The following ZNF266 variants were observed in gnomAD, a reference collection of about 807,000 sequenced individuals.
ZNF266 encodes zinc finger protein 1.
Under a neutral mutation model 16.4 loss-of-function variants are expected in ZNF266, and 16 were observed. The observed-to-expected ratio is 0.98, with a 90% CI of 0.66 to 1.48. The LOEUF (loss-of-function observed/expected upper bound fraction) is 1.48, where lower values mean the gene tolerates loss of function less well. Ranked by LOEUF, ZNF266 falls within the 40% of genes most tolerant of loss-of-function variation. The pLI is 0.00. For synonymous variants in ZNF266, 262 were observed against 237.9 expected (o/e 1.10, Z -0.93); for missense variants, 738 against 689.1 (o/e 1.07, Z -0.79).
At chr19:9,432,591 T>C (rs1485614408) in intron 5 of ZNF266, among the ~76,000 whole-genome samples, 1 of 152,140 alleles carries the variant, frequency 6.6e-6, no homozygotes, top group Non-Finnish European at 1.5e-5. Flanking sequence ...CTAATTAATA[T>C]AAGCGAGTTA....
intron 8 of ZNF266, 70 bp downstream of exon 8, chr19:9,418,435 A>C (rs2069386605): frequency 1.3e-6 from 2 of 1,518,834 alleles, no homozygotes; most frequent in African/African-American, 2.7e-5. Context: ...GCTATCTCTG[A>C]TGTGCAATAC....
In ZNF266 at chr19:9,412,567, G is replaced by C. The variant is rs1474920580; in HGVS notation, c.*708C>G. ...AGTTCCTCACAGTATTAGTTTCCTA[G>C]GGTTGCTGTACAAAATAACAGACTG... is the stretch of plus-strand genomic sequence containing the variant. On this transcript the variant is annotated 3_prime_UTR_variant, in exon 11 of 11. Coordinates refer to ENST00000592904, the MANE Select transcript of ZNF266 (RefSeq NM_001370374.1). 1 of 152,198 alleles carries C rather than the reference G, an allele frequency of 6.6e-6. No individual in the cohort carries two copies. The highest frequency in any genetic ancestry group is 1.5e-5 in the Non-Finnish European group (1 of 68,032). The allele number at this position is 152,198 out of a possible 1,614,324, so 9.4% of individuals were successfully genotyped here.
In ZNF266 at chr19:9,413,595, C is replaced by A; in HGVS notation, c.1531G>T (p.Ala511Ser). 1 of 1,614,164 alleles carries A rather than the reference C, an allele frequency of 6.2e-7. No individual in the cohort carries two copies. Among genetic ancestry groups the A allele is most frequent in the Non-Finnish European group, 8.5e-7 (1 of 1,180,022 alleles). Residue 511 changes from alanine (A) to serine (S), a missense_variant, in exon 11 of 11, where the codon GCA (alanine) becomes TCA (serine). Ala to Ser is a moderately conservative substitution (Grantham distance 99). Transcript: ENST00000592904. ...TTAAGACTGGAGGAATGCGTAAATG[C>A]TTTACCACATTCCAGGCACTCAAAG... is the stretch of plus-strand genomic sequence containing the variant. The part of the protein sequence containing the change: ...KPFECLECGK[A>S]FTHSSSLNNH...
intron 5 of ZNF266, among the ~76,000 whole-genome samples, chr19:9,427,829 GAAA>G (rs1037087467): frequency 6.6e-6 from 1 of 152,074 alleles, no homozygotes; most frequent in African/African-American, 2.4e-5. Context: ...CTTCCCCAAG[GAAA>G]CTCTTGACAT....
chr19:9,425,903 A>T (rs906733549), intron 5 of ZNF266, among the ~76,000 whole-genome samples: 1 of 152,116 alleles, frequency 6.6e-6, no homozygotes, highest in Non-Finnish European at 1.5e-5. Flanking sequence ...TGCTACTGAG[A>T]GGCAGAAGGG....
Position 9,422,877 on chromosome 19 carries a change from T to C in ZNF266, c.-129-2659A>G, listed in dbSNP as rs73493871. ...ACACAGATTCATCAAAAGTTGCCGA[T>C]GGCTTGGCTGGATGGTCAAAAATGT... On this transcript the variant is annotated intron_variant, in intron 5 of 10. Transcript: ENST00000592904. 5.3e-3 allele frequency among the ~76,000 whole-genome samples: 814 copies of C among 152,276 alleles called. 9 individuals are homozygous for C. Among genetic ancestry groups the C allele is most frequent in the African/African-American group, 0.019 (788 of 41,544 alleles).
At chr19:9,421,849 CTTTCT>C (rs1285147655) in intron 5 of ZNF266, among the ~76,000 whole-genome samples, 20 of 28,470 alleles carry the variant, frequency 7.0e-4, no homozygotes, top group African/African-American at 1.2e-3. Context: ...GCAACAAAAC[CTTTCT>C]TTTTTTTTTT....
Position 9,417,898 on chromosome 19 carries a change from G to A in ZNF266, c.246C>T (p.Leu82=). 1 of 1,614,090 alleles carries A rather than the reference G, an allele frequency of 6.2e-7. No individual in the cohort carries two copies. The highest frequency in any genetic ancestry group is 2.2e-5 in the East Asian group (1 of 44,876). Residue 82 remains leucine (L), a synonymous_variant, in exon 9 of 11, where the codon CTC becomes CTT. Coordinates refer to ENST00000592904, the MANE Select transcript of ZNF266 (RefSeq NM_001370374.1). Reference sequence around the variant, plus strand: ...GCCAAGAGATCAGACTGGGTTTGAAGAGCTGATATCCTGTGCACAAAGAAA... The same window carrying A: ...GCCAAGAGATCAGACTGGGTTTGAAAAGCTGATATCCTGTGCACAAAGAAA... ...YKNLATVGYQ[L]FKPSLISWLE... is the part of the protein sequence containing the mutation.
intron 5 of ZNF266, among the ~76,000 whole-genome samples, chr19:9,426,767 G>T (rs2070807275): frequency 6.6e-6 from 1 of 151,978 alleles, no homozygotes; most frequent in African/African-American, 2.4e-5. Flanking sequence ...CTTATACCTG[G>T]GGATCCCACT....
Position 9,417,851 on chromosome 19 carries a change from G to A in ZNF266, c.293C>T (p.Thr98Ile), listed in dbSNP as rs1599456448. 1 of 1,613,912 alleles carries A rather than the reference G, an allele frequency of 6.2e-7. No individual in the cohort carries two copies. Among genetic ancestry groups the A allele is most frequent in the Non-Finnish European group, 8.5e-7 (1 of 1,179,974 alleles). The change falls in exon 9 of 11, where the codon ACA (threonine) becomes ATA (isoleucine). Residue 98 changes from threonine (T) to isoleucine (I), a missense_variant. Coordinates refer to ENST00000592904, the MANE Select transcript of ZNF266 (RefSeq NM_001370374.1). ...ACCTTGGAAATCACCTCTCTGCACT[G>A]TCCTAGACTCTTCTTGTTCCAGCCA... ...ISWLEQEESRTVQRGDFQASE... is the reference protein window; with the variant it reads ...ISWLEQEESRIVQRGDFQASE...
intron 3 of ZNF266, 117 bp from the exon 4 acceptor site, chr19:9,434,352 A>T (rs958832584): frequency 1.3e-5 from 2 of 152,192 alleles, no homozygotes; most frequent in African/African-American, 4.8e-5. Context: ...ACTAGTTTAC[A>T]ACCTCCCTAA....
At chr19:9,424,629 G>A (rs186017640) in intron 5 of ZNF266, among the ~76,000 whole-genome samples, 1 of 152,228 alleles carries the variant, frequency 6.6e-6, no homozygotes, top group African/African-American at 2.4e-5. Flanking sequence ...ACGTATGTGT[G>A]TTTATATCCA....
intron 5 of ZNF266, among the ~76,000 whole-genome samples, chr19:9,422,649 G>A (rs1011052114): frequency 6.6e-5 from 10 of 152,138 alleles, no homozygotes; most frequent in African/African-American, 2.4e-4. Context: ...CATTCCAGAG[G>A]GCTGCTTCCT....
At chr19:9,428,716 G>GAAAA (rs59102600) in intron 5 of ZNF266, among the ~76,000 whole-genome samples, 2 of 132,872 alleles carry the variant, frequency 1.5e-5, no homozygotes, top group African/African-American at 2.8e-5. Flanking sequence ...TCCAGGGTGG[G>GAAAA]AAAAAAAAAA....
Position 9,414,381 on chromosome 19 carries a change from T to G in ZNF266, c.745A>C (p.Ser249Arg). The G allele has an allele frequency of 1.2e-6, 2 of 1,614,226 alleles. No homozygotes were observed. The highest frequency in any genetic ancestry group is 2.2e-5 in the South Asian group (2 of 91,086). ...QGHLRTHNGE[S>R]LHEWKECGRG... ...CCACATTCCTTCCATTCATGGAGAC[T>G]TTCTCCATTGTGAGTTCTTAAATGT... Residue 249 changes from serine (S) to arginine (R), a missense_variant, in exon 11 of 11, where the codon AGT (serine) becomes CGT (arginine). Physicochemically the swap from Ser to Arg is moderately radical, Grantham distance 110. Coordinates refer to ENST00000592904, the MANE Select transcript of ZNF266 (RefSeq NM_001370374.1).
rs763653840 is a variant in ZNF266, at chr19:9,413,318, C to T, written c.1808G>A (p.Arg603Gln). 26 of 1,604,360 alleles carry T rather than the reference C, an allele frequency of 1.6e-5. No homozygotes were observed. The highest frequency in any genetic ancestry group is 1.0e-4 in the South Asian group (9 of 89,736). Reference protein sequence around the residue: ...GKAFSSSSSFRNHERRHADER... With the variant: ...GKAFSSSSSFQNHERRHADER... ...ATCCGCATGCCTTCTTTCATGATTTCGAAAGGAACTGGAAGAACTGAAGGC... is the reference window on the plus strand; with the variant it reads ...ATCCGCATGCCTTCTTTCATGATTTTGAAAGGAACTGGAAGAACTGAAGGC... The change falls in exon 11 of 11, where the codon CGA becomes CAA. Residue 603 changes from arginine (R) to glutamine (Q), a missense_variant. Transcript: ENST00000592904.
At chr19:9,430,419 G>T (rs139991036) in intron 5 of ZNF266, among the ~76,000 whole-genome samples, 1 of 151,984 alleles carries the variant, frequency 6.6e-6, no homozygotes. Flanking sequence ...TGATCGTCCC[G>T]CAACACTACT....
chr19:9,422,199 T>A (rs558650322), intron 5 of ZNF266, among the ~76,000 whole-genome samples: 4 of 152,180 alleles, frequency 2.6e-5, no homozygotes, highest in Non-Finnish European at 5.9e-5. Flanking sequence ...TCTCTAGGAA[T>A]GTTCTTGGAT....
At chr19:9,423,200 T>C (rs978803268) in intron 5 of ZNF266, among the ~76,000 whole-genome samples, 5 of 152,166 alleles carry the variant, frequency 3.3e-5, no homozygotes, top group African/African-American at 9.7e-5. Flanking sequence ...CCTAATCTCC[T>C]GAAAGCAGAA....
Sources: gnomAD v4.1 joint callset for allele counts (sites outside exome capture counted in the v4.1 genomes callset) on GRCh38, gnomAD v4.1.1 for gene constraint, MANE v1.5 for transcripts, NCBI Gene and HGNC (gene_info 2026-07-23, HGNC 2026-07-21) for gene names.